The following ATG10 variants were observed in gnomAD, a reference collection of about 807,000 sequenced individuals.
ATG10 encodes ubiquitin-like-conjugating enzyme ATG10.
In ATG10, 30 loss-of-function variants were observed where a neutral mutation model predicts 32.1. That is an observed-to-expected ratio of 0.94 (90% CI 0.70 to 1.27). The LOEUF (loss-of-function observed/expected upper bound fraction) is 1.27. Among genes scored for constraint, ATG10 ranks in the 50% most tolerant of loss-of-function variants. ATG10 has a pLI of 0.00. For synonymous variants in ATG10, 87 were observed against 91.5 expected (o/e 0.95, Z 0.28); for missense variants, 233 against 262.3 (o/e 0.89, Z 0.77).
intron 1 of ATG10, among the ~76,000 whole-genome samples, chr5:81,982,556 TCCCC>T (rs1761084408): frequency 6.6e-6 from 1 of 151,324 alleles, no homozygotes; most frequent in Non-Finnish European, 1.5e-5. Context: ...TTTTTTTTTT[TCCCC>T]TTTTATTTAT....
chr5:82,250,308 G>C (rs1747203880), intron 5 of ATG10, among the ~76,000 whole-genome samples: 2 of 151,908 alleles, frequency 1.3e-5, no homozygotes, highest in Admixed American at 1.3e-4. Flanking sequence ...CTTTGATTAA[G>C]TTTCACCTTA....
chr5:82,068,762 A>G (rs1764026679), intron 3 of ATG10, among the ~76,000 whole-genome samples: 1 of 147,102 alleles, frequency 6.8e-6, no homozygotes, highest in Non-Finnish European at 1.5e-5. Context: ...TATATATATA[A>G]TTCTTATCTG....
At chr5:82,205,552 T>C (rs981931394) in intron 5 of ATG10, among the ~76,000 whole-genome samples, 7 of 152,134 alleles carry the variant, frequency 4.6e-5, no homozygotes, top group African/African-American at 1.7e-4. Context: ...GACGACAAAA[T>C]ATGAGTATGG....
chr5:82,239,945 A>G (rs1746718185), intron 5 of ATG10, among the ~76,000 whole-genome samples: 1 of 152,188 alleles, frequency 6.6e-6, no homozygotes, highest in Admixed American at 6.5e-5. Context: ...TCCTCAGGGA[A>G]ATACAAATCA....
At chr5:82,179,351 G>A (rs1744148265) in intron 5 of ATG10, among the ~76,000 whole-genome samples, 1 of 152,016 alleles carries the variant, frequency 6.6e-6, no homozygotes, top group Non-Finnish European at 1.5e-5. Flanking sequence ...CAATAAAAAT[G>A]TATTAAGCAA....
intron 3 of ATG10, among the ~76,000 whole-genome samples, chr5:82,128,829 A>G (rs901571251): frequency 1.3e-4 from 20 of 151,126 alleles, no homozygotes; most frequent in African/African-American, 4.9e-4. Flanking sequence ...TCTGATGATT[A>G]TGTGTTTTTG....
intron 5 of ATG10, among the ~76,000 whole-genome samples, chr5:82,209,680 C>T (rs1288166296): frequency 6.6e-6 from 1 of 152,106 alleles, no homozygotes; most frequent in East Asian, 1.9e-4. Flanking sequence ...TCATATGTAT[C>T]CTCCCGAGAT....
chr5:81,982,541 ATTGT>A (rs984205394), intron 1 of ATG10, among the ~76,000 whole-genome samples: 2 of 150,234 alleles, frequency 1.3e-5, no homozygotes, highest in African/African-American at 4.9e-5. Context: ...TGAGAGATTC[ATTGT>A]TTTTTTTTTT....
chr5:82,117,478 C>G (rs997346803), intron 3 of ATG10, among the ~76,000 whole-genome samples: 1 of 151,984 alleles, frequency 6.6e-6, no homozygotes, highest in Non-Finnish European at 1.5e-5. Flanking sequence ...GTTCTCCAAC[C>G]TTTGATCTTT....
At chr5:82,136,007 T>A (rs1766724819) in intron 3 of ATG10, among the ~76,000 whole-genome samples, 1 of 152,254 alleles carries the variant, frequency 6.6e-6, no homozygotes, top group African/African-American at 2.4e-5. Context: ...TTTGTTGGTT[T>A]AAAGTCTGTT....
chr5:81,999,045 C>G (rs902858268), intron 2 of ATG10, among the ~76,000 whole-genome samples: 13 of 151,432 alleles, frequency 8.6e-5, no homozygotes, highest in African/African-American at 2.7e-4. Context: ...AAGACATCTA[C>G]AGAATGCTGT....
At chr5:81,974,072 C>T (rs1760804381) in intron 1 of ATG10, among the ~76,000 whole-genome samples, 1 of 151,864 alleles carries the variant, frequency 6.6e-6, no homozygotes, top group Admixed American at 6.6e-5. Context: ...GTAAAGCAGC[C>T]CTTTAGGAAA....
chr5:82,101,869 C>T (rs575743719), intron 3 of ATG10, among the ~76,000 whole-genome samples: 3 of 152,162 alleles, frequency 2.0e-5, no homozygotes, highest in Non-Finnish European at 4.4e-5. Flanking sequence ...TAAGAGGTTT[C>T]GATAAAATAA....
At chr5:82,195,925 T>C (rs1481045881) in intron 5 of ATG10, among the ~76,000 whole-genome samples, 2 of 152,208 alleles carry the variant, frequency 1.3e-5, no homozygotes, top group Non-Finnish European at 2.9e-5. Flanking sequence ...GGTCATGTAG[T>C]AACACTATGA....
At chr5:82,046,468 G>A (rs1763239856) in intron 2 of ATG10, among the ~76,000 whole-genome samples, 1 of 152,184 alleles carries the variant, frequency 6.6e-6, no homozygotes, top group Non-Finnish European at 1.5e-5. Flanking sequence ...AATCTAGGAG[G>A]AGGCAACAGC....
At position 82,008,159 on chromosome 5, in the gene ATG10, G is replaced by C. The variant is rs76615765; in HGVS notation, c.108+20481G>C. Among the ~76,000 whole-genome samples the C allele has an allele frequency of 9.9e-3, 1,513 of 152,146 alleles. 7 individuals are homozygous for C. The highest frequency in any genetic ancestry group is 0.016 in the Non-Finnish European group (1,099 of 67,998). ...GGGGGGTCATGAGCATGTTACTGCT[G>C]TGGTTTTAGTGTAATACTGTATTTG... On this transcript the variant is annotated intron_variant, in intron 2 of 7. Transcript: ENST00000282185.
At chr5:82,119,699 G>C (rs1369258576) in intron 3 of ATG10, among the ~76,000 whole-genome samples, 1 of 152,120 alleles carries the variant, frequency 6.6e-6, no homozygotes, top group East Asian at 1.9e-4. Flanking sequence ...GACCTCAGGT[G>C]ATCTGCCTGC....
intron 1 of ATG10, among the ~76,000 whole-genome samples, chr5:81,977,368 C>T (rs1360181280): frequency 6.6e-6 from 1 of 152,196 alleles, no homozygotes; most frequent in Non-Finnish European, 1.5e-5. Flanking sequence ...ACAGACAACT[C>T]TTCACTGTGT....
intron 2 of ATG10, among the ~76,000 whole-genome samples, chr5:82,052,480 A>C (rs1010257892): frequency 4.6e-4 from 70 of 152,194 alleles, no homozygotes; most frequent in African/African-American, 1.6e-3. Context: ...TTAAGATTGG[A>C]ATCTACTCTG....
Sources: gnomAD v4.1 joint callset for allele counts (sites outside exome capture counted in the v4.1 genomes callset) on GRCh38, gnomAD v4.1.1 for gene constraint, MANE v1.5 for transcripts, NCBI Gene and HGNC (gene_info 2026-07-23, HGNC 2026-07-21) for gene names.